SMARCAD1: variants seen among roughly 807,000 people sequenced by gnomAD.
SMARCAD1 encodes SNF2 related chromatin remodeling ATPase with DExD box 1, also known as SWI/SNF-related matrix-associated actin-dependent regulator of chromatin subfamily A containing DEAD/H box 1.
A neutral mutation model predicts 127.1 loss-of-function variants in SMARCAD1; 25 were observed. The observed-to-expected ratio is 0.20, with a 90% CI of 0.14 to 0.27. The LOEUF (loss-of-function observed/expected upper bound fraction) is 0.27, where lower values mean the gene tolerates loss of function less well. SMARCAD1 is among the 10% of genes least tolerant of loss of function. The probability of loss-of-function intolerance (pLI) is 1.00; values close to 1 mark genes in which losing one functional copy is unlikely to be tolerated. For missense variants in SMARCAD1, 807 were observed against 1,206.0 expected (o/e 0.67, Z 4.90); for synonymous variants, 400 against 396.9 (o/e 1.01, Z -0.09).
intron 2 of SMARCAD1, among the ~76,000 whole-genome samples, chr4:94,209,016 A>G (rs528878045): frequency 1.3e-5 from 2 of 152,322 alleles, no homozygotes; most frequent in South Asian, 4.1e-4. Context: ...TCTGTACACA[A>G]GGGAAGATCA....
intron 20 of SMARCAD1, among the ~76,000 whole-genome samples, chr4:94,281,138 T>C (rs1753960922): frequency 6.6e-6 from 1 of 152,212 alleles, no homozygotes. Flanking sequence ...AGCCTAAATT[T>C]GTAAAATCAC....
Position 94,290,279 on chromosome 4 carries a change from A to G in SMARCAD1, c.*745A>G, listed in dbSNP as rs1005311667. On this transcript the variant is annotated 3_prime_UTR_variant, in exon 24 of 24. Transcript: ENST00000354268. ...CATATTACTCTGCCTAATCTTGTGC[A>G]TGTTTTCATTGATTTCCCTCTCCCG... 4 of 454,378 alleles carry G rather than the reference A, an allele frequency of 8.8e-6. No homozygotes were observed. The highest frequency in any genetic ancestry group is 6.0e-5 in the African/African-American group (3 of 49,994). 28.1% of individuals were successfully genotyped at this position (454,378 alleles called of 1,614,324 possible). A position where few individuals can be genotyped will look rare whatever the true frequency, so the allele number is the denominator to read the frequency against.
chr4:94,271,984 G>A (rs1237305156), intron 11 of SMARCAD1, among the ~76,000 whole-genome samples: 1 of 152,232 alleles, frequency 6.6e-6, no homozygotes, highest in Non-Finnish European at 1.5e-5. Context: ...CACAGACCAA[G>A]TGGCTTAAAC....
intron 14 of SMARCAD1, among the ~76,000 whole-genome samples, chr4:94,275,470 C>A (rs1753121460): frequency 6.6e-6 from 1 of 152,054 alleles, no homozygotes; most frequent in African/African-American, 2.4e-5. Context: ...ATTTAAAGTT[C>A]TATTTTAACT....
chr4:94,289,395 GAAA>G, intron 23 of SMARCAD1, 75 bp from the exon 24 acceptor site: 1 of 1,321,862 alleles, frequency 7.6e-7, no homozygotes, highest in Non-Finnish European at 1.1e-6. Flanking sequence ...ATTCACCAAA[GAAA>G]AAAAATAATT....
rs186562700 is a variant in SMARCAD1, at chr4:94,232,706, A to G, written c.369-1248A>G. ...GGTGGCTCACACCTGTTATCCCAGC[A>G]CTTTGGAAGGCCAAGGCGGGCGGAT... On this transcript the variant is annotated intron_variant, in intron 3 of 23. Transcript: ENST00000354268. 9.2e-5 allele frequency among the ~76,000 whole-genome samples: 14 copies of G among 152,290 alleles called. No homozygotes were observed. In the East Asian group the frequency reaches 2.7e-3, roughly 29 times the overall value.
chr4:94,272,631 A>G (rs1436874383), intron 11 of SMARCAD1, among the ~76,000 whole-genome samples: 1 of 152,068 alleles, frequency 6.6e-6, no homozygotes, highest in African/African-American at 2.4e-5. Flanking sequence ...GGTGCAACAT[A>G]ATGTTATTGA....
Position 94,276,319 on chromosome 4 carries a change from G to GT in SMARCAD1, c.1809-14dup, listed in dbSNP as rs766589133. On this transcript the variant is annotated intron_variant, in intron 14 of 23. Coordinates refer to ENST00000354268, the MANE Select transcript of SMARCAD1 (RefSeq NM_020159.5). ...CTCTTAAAGGTATAACCTTAGAGAT[G>GT]TTTTTTCTTTTGGTGACAGATATAA... 5.0e-6 allele frequency: 8 copies of GT among 1,613,808 alleles called. No homozygotes were observed. Among genetic ancestry groups the GT allele is most frequent in the South Asian group, 1.1e-5 (1 of 91,042 alleles).
At chr4:94,246,156 G>C (rs948438132) in intron 6 of SMARCAD1, among the ~76,000 whole-genome samples, 1 of 146,358 alleles carries the variant, frequency 6.8e-6, no homozygotes, top group Non-Finnish European at 1.5e-5. Flanking sequence ...GTCTCGCACT[G>C]TTGTCTGGGC....
chr4:94,276,611 G>A, intron 15 of SMARCAD1, 137 bp downstream of exon 15: 2 of 1,087,270 alleles, frequency 1.8e-6, no homozygotes, highest in Non-Finnish European at 2.6e-6. Flanking sequence ...AGTTTTTTCT[G>A]TAAAAGGGAA....
chr4:94,273,848 G>A (rs1752886450), intron 12 of SMARCAD1, 132 bp downstream of exon 12: 1 of 710,080 alleles, frequency 1.4e-6, no homozygotes. Flanking sequence ...TAATTTTATG[G>A]TCTCTTTATA....
At chr4:94,245,366 C>T (rs1193559657) in intron 6 of SMARCAD1, among the ~76,000 whole-genome samples, 1 of 152,150 alleles carries the variant, frequency 6.6e-6, no homozygotes, top group African/African-American at 2.4e-5. Context: ...GTTTTAAATG[C>T]TGTGAAAATA....
chr4:94,244,194 G>A (rs1579161790), intron 6 of SMARCAD1, among the ~76,000 whole-genome samples: 1 of 152,312 alleles, frequency 6.6e-6, no homozygotes, highest in East Asian at 1.9e-4. Context: ...ACAGATCTTT[G>A]TAATTATATA....
At chr4:94,257,467 T>C (rs534231769) in intron 9 of SMARCAD1, among the ~76,000 whole-genome samples, 8 of 152,272 alleles carry the variant, frequency 5.3e-5, no homozygotes, top group African/African-American at 1.9e-4. Flanking sequence ...TAAATCTTTT[T>C]TGGGGGAAAG....
chr4:94,275,046 G>C, intron 14 of SMARCAD1, 81 bp downstream of exon 14: 1 of 980,602 alleles, frequency 1.0e-6, no homozygotes, highest in Non-Finnish European at 1.6e-6. Flanking sequence ...GTACTATGTA[G>C]GAAAGTTTAT....
intron 9 of SMARCAD1, among the ~76,000 whole-genome samples, chr4:94,261,898 C>T (rs1357555050): frequency 2.0e-5 from 3 of 152,198 alleles, no homozygotes; most frequent in Non-Finnish European, 2.9e-5. Flanking sequence ...GTGTGAGCCA[C>T]CACAACCGGC....
intron 21 of SMARCAD1, 124 bp from the exon 22 acceptor site, chr4:94,282,997 C>G: frequency 1.3e-6 from 1 of 776,320 alleles, no homozygotes; most frequent in Non-Finnish European, 2.1e-6. Context: ...GGAGAAATAA[C>G]TGCAATACTA....
intron 5 of SMARCAD1, among the ~76,000 whole-genome samples, chr4:94,238,546 T>C (rs1182670928): frequency 6.6e-6 from 1 of 152,116 alleles, no homozygotes; most frequent in African/African-American, 2.4e-5. Flanking sequence ...GCACTTACTT[T>C]AAAAGCTTCT....
Position 94,274,919 on chromosome 4 carries a change from T to C in SMARCAD1, c.1762T>C (p.Phe588Leu). 3 of 1,603,540 alleles carry C rather than the reference T, an allele frequency of 1.9e-6. No homozygotes were observed. The highest frequency in any genetic ancestry group is 2.6e-6 in the Non-Finnish European group (3 of 1,171,148). Residue 588 changes from phenylalanine to leucine, a missense_variant, in exon 14 of 24, where the codon TTT (phenylalanine) becomes CTT (leucine). Around this residue, in one of 8 missense-constraint regions of SMARCAD1, gnomAD observed 148 missense variants for 313.2 expected, o/e 0.47. Coordinates refer to ENST00000354268, the MANE Select transcript of SMARCAD1 (RefSeq NM_020159.5). ...TCAAGAAGAACGTAAACAAATTAGATTTAACATTCATAGTAGATATGAAGA... is the reference window on the plus strand; with the variant it reads ...TCAAGAAGAACGTAAACAAATTAGACTTAACATTCATAGTAGATATGAAGA... The part of the protein sequence containing the change: ...GSQEERKQIR[F>L]NIHSRYEDYN...
Sources: allele counts gnomAD v4.1 joint callset (sites outside exome capture counted in the v4.1 genomes callset), GRCh38; gene constraint gnomAD v4.1.1; regional missense constraint gnomAD v4.1.1; transcripts MANE v1.5; gene names NCBI Gene and HGNC (gene_info 2026-07-23, HGNC 2026-07-21).